The following TBX1 variants were observed in gnomAD, a reference collection of about 807,000 sequenced individuals.
TBX1 encodes T-box transcription factor 1.
Under a neutral mutation model 40.8 loss-of-function variants are expected in TBX1, and 16 were observed. The ratio of observed to expected loss-of-function variants is 0.39; its 90% CI spans 0.27 to 0.60. TBX1 has a LOEUF of 0.60. Ranked by LOEUF, TBX1 falls within the 20% of genes least tolerant of loss-of-function variation. TBX1 has a pLI of 0.51. For synonymous variants in TBX1, 403 were observed against 336.8 expected, an observed-to-expected ratio of 1.20 and a Z score of -2.15; for missense variants, 755 against 728.5, an observed-to-expected ratio of 1.04 and a Z score of -0.42.
At chr22:19,777,601 CTTA>C (rs911863895) in intron 8 of TBX1, among the ~76,000 whole-genome samples, 4 of 152,100 alleles carry the variant, frequency 2.6e-5, no homozygotes, top group Non-Finnish European at 5.9e-5. Flanking sequence ...GAGTTCTACT[CTTA>C]TAAAGAGCGT....
intron 2 of TBX1, 51 bp from the exon 3 acceptor site, chr22:19,764,104 G>T: frequency 6.2e-7 from 1 of 1,606,212 alleles, no homozygotes; most frequent in South Asian, 1.1e-5. Context: ...CACGGGTCAA[G>T]GCCCTCTGGG....
intron 1 of TBX1, 31 bp downstream of exon 1, chr22:19,761,311 T>C (rs779749333): frequency 2.0e-5 from 30 of 1,521,186 alleles, no homozygotes; most frequent in East Asian, 2.7e-5. Flanking sequence ...GCCGCGACCC[T>C]CCCCACGTGC....
chr22:19,762,219 C>T (rs1248021029), intron 1 of TBX1, among the ~76,000 whole-genome samples: 1 of 152,240 alleles, frequency 6.6e-6, no homozygotes, highest in East Asian at 1.9e-4. Flanking sequence ...CAGGCCAGCC[C>T]GGCAAGGGCC....
Position 19,766,916 on chromosome 22 carries a change from C to G in TBX1, c.*49C>G. 1 of 1,569,668 alleles carries G rather than the reference C, an allele frequency of 6.4e-7. No individual in the cohort carries two copies. Among genetic ancestry groups the G allele is most frequent in the Non-Finnish European group, 8.6e-7 (1 of 1,166,472 alleles). ...CCCGGTCCTGCACAGCCCCGAAGTT[C>G]GCCGGGCCCGGCCACCCTGCCCCAA... On this transcript the variant is annotated 3_prime_UTR_variant, in exon 7 of 7. Transcript: ENST00000649276.
At position 19,763,234 on chromosome 22, in the gene TBX1, C is replaced by T. The variant is rs199903273; in HGVS notation, c.438-7C>T. ...GCTAGGGTGACCCAAGGCCTCATCA[C>T]CCCCAGGCGGATGTTTCCCACCTTC... is the stretch of plus-strand genomic sequence containing the variant. On this transcript the variant is annotated splice_region_variant and splice_polypyrimidine_tract_variant and intron_variant, in intron 1 of 6. Coordinates refer to ENST00000649276, the MANE Select transcript of TBX1 (RefSeq NM_001379200.1). The T allele has an allele frequency of 3.7e-6, 6 of 1,613,394 alleles. No homozygotes were observed. Among genetic ancestry groups the T allele is most frequent in the Non-Finnish European group, 4.2e-6 (5 of 1,179,336 alleles).
downstream of TBX1, among the ~76,000 whole-genome samples, chr22:19,769,601 G>A (rs187060532): frequency 2.6e-5 from 4 of 152,354 alleles, no homozygotes; most frequent in Admixed American, 6.5e-5. Context: ...TGCCCGCTGC[G>A]GGGGCTGTCT....
Position 19,767,060 on chromosome 22 carries a change from C to T in TBX1, c.*193C>T. 7.7e-7 allele frequency: 1 copy of T among 1,292,242 alleles called. No homozygotes were observed. The highest frequency in any genetic ancestry group is 2.3e-5 in the South Asian group (1 of 42,902). 80.0% of individuals were successfully genotyped at this position (1,292,242 alleles called of 1,614,324 possible). The stretch of plus-strand genomic sequence containing the variant: ...CAGCCCCTTGGGCTATCGAAGTATC[C>T]GGTTCCCCAGTCCCTGGAGCCACCG... On this transcript the variant is annotated 3_prime_UTR_variant, in exon 7 of 7. Coordinates refer to ENST00000649276, the MANE Select transcript of TBX1 (RefSeq NM_001379200.1).
downstream of TBX1, chr22:19,783,165 G>A: frequency 1.5e-6 from 1 of 687,786 alleles, no homozygotes; most frequent in East Asian, 2.7e-5. Context: ...GCTCAGCCCA[G>A]CCTCTCCTAA....
chr22:19,761,056 C>CCCA lies in TBX1; in HGVS notation c.215_216insACC (p.Pro76dup), dbSNP rs1555895446. 9 of 889,714 alleles carry CCCA rather than the reference C, an allele frequency of 1.0e-5. No homozygotes were observed. The allele number at this position is 889,714 out of a possible 1,614,324, so 55.1% of individuals were successfully genotyped here. ...CCGCCGCCGCCCCCGGCGCCCCGGG[C>CCCA]CCGCCGCCGCCGCCGCACGCCTACC... On this transcript the variant is annotated inframe_insertion, in exon 1 of 7. Transcript: ENST00000649276.
At chr22:19,771,421 C>T (rs536779098), downstream of TBX1, among the ~76,000 whole-genome samples, 58 of 152,354 alleles carry the variant, frequency 3.8e-4, no homozygotes, top group Middle Eastern at 0.024. Flanking sequence ...TCTCTTTAAC[C>T]GCTGCCAGGT....
At chr22:19,782,008 T>G (rs1289314343), downstream of TBX1, among the ~76,000 whole-genome samples, 1 of 152,244 alleles carries the variant, frequency 6.6e-6, no homozygotes, top group Non-Finnish European at 1.5e-5. Context: ...TTCTATTACA[T>G]TGGTCTTTAC....
At chr22:19,759,807 C>A, upstream of TBX1, 2 of 1,141,398 alleles carry the variant, frequency 1.8e-6, no homozygotes, top group Non-Finnish European at 2.6e-6. Flanking sequence ...GGCTGCGATT[C>A]TGGGGCAGAG....
At chr22:19,783,053 C>G (rs938690983), downstream of TBX1, 1 of 825,008 alleles carries the variant, frequency 1.2e-6, no homozygotes, top group African/African-American at 1.7e-5. Context: ...CCCGCTGTGC[C>G]CAGCCCCTGA....
chr22:19,776,618 C>G (rs937058920), intron 8 of TBX1, among the ~76,000 whole-genome samples: 3 of 152,160 alleles, frequency 2.0e-5, no homozygotes, highest in Non-Finnish European at 2.9e-5. Context: ...AGGGCAGCCA[C>G]TGGGCCTGAA....
chr22:19,779,336 C>T, exon 9 of TBX1: 1 of 1,614,198 alleles, frequency 6.2e-7, no homozygotes, highest in Non-Finnish European at 8.5e-7. Context: ...GCTCCCCTGC[C>T]CCGCAGAGTG....
At position 19,763,250 on chromosome 22, in the gene TBX1, T is replaced by C. The variant is rs41298814; in HGVS notation, c.447T>C (p.Phe149=). ...GCCTCATCACCCCCAGGCGGATGTTTCCCACCTTCCAAGTGAAGCTCTTCG... is the reference window on the plus strand; with the variant it reads ...GCCTCATCACCCCCAGGCGGATGTTCCCCACCTTCCAAGTGAAGCTCTTCG... ...MIVTKAGRRM[F]PTFQVKLFGM... The change falls in exon 2 of 7, where the codon TTT becomes TTC. Residue 149 remains phenylalanine (F), a synonymous_variant. Coordinates refer to ENST00000649276, the MANE Select transcript of TBX1 (RefSeq NM_001379200.1). 0.22 allele frequency: 356,432 copies of C among 1,613,388 alleles called. 43,398 individuals carry two copies. The highest frequency in any genetic ancestry group is 0.47 in the East Asian group (21,065 of 44,838).
At chr22:19,763,171 C>T (rs1054033564) in intron 1 of TBX1, 70 bp from the exon 2 acceptor site, 1 of 1,323,712 alleles carries the variant, frequency 7.6e-7, no homozygotes. Flanking sequence ...AGAGGGGCCG[C>T]CAGCCCCAGG....
downstream of TBX1, among the ~76,000 whole-genome samples, chr22:19,770,252 C>T (rs572408348): frequency 2.6e-5 from 4 of 152,332 alleles, no homozygotes; most frequent in African/African-American, 9.6e-5. Flanking sequence ...AGATGCACAA[C>T]GCAGGAAATA....
At chr22:19,765,726 C>T (rs1250988850) in intron 4 of TBX1, 32 bp from the exon 5 acceptor site, 3 of 1,610,006 alleles carry the variant, frequency 1.9e-6, no homozygotes, top group Admixed American at 3.3e-5. Flanking sequence ...CTGCAGGGCT[C>T]CAGCGGCTTG....
Sources: allele counts gnomAD v4.1 joint callset (sites outside exome capture counted in the v4.1 genomes callset), GRCh38; gene constraint gnomAD v4.1.1; transcripts MANE v1.5; gene names NCBI Gene and HGNC (gene_info 2026-07-23, HGNC 2026-07-21).